The following OR52E5 variants were observed in gnomAD, a reference collection of about 807,000 sequenced individuals.
The protein encoded by OR52E5 is olfactory receptor family 52 subfamily E member 5, also known as olfactory receptor 52E5.
intron 1 of OR52E5, among the ~76,000 whole-genome samples, chr11:5,895,181 CAA>C (rs1158085714): frequency 6.6e-6 from 1 of 152,110 alleles, no homozygotes; most frequent in African/African-American, 2.4e-5. Flanking sequence ...TCAGGAAATT[CAA>C]AGTCCTACAC....
In OR52E5 at chr11:5,901,495, G is replaced by A. The variant is rs1188007600; in HGVS notation, c.719G>A (p.Cys240Tyr). 5.0e-6 allele frequency: 2 copies of A among 401,788 alleles called. No homozygotes were observed. The highest frequency in any genetic ancestry group is 7.1e-5 in the East Asian group (2 of 28,060). The allele number at this position is 401,788 out of a possible 1,614,324, so 24.9% of individuals were successfully genotyped here. A position where few individuals can be genotyped will look rare whatever the true frequency, so the allele number is the denominator to read the frequency against. ...GCCCGGCCTAAGGCACTCAGCACAT[G>A]TGGCTCTCACGTCTGTGTTATGTTG... ...WDARPKALST[C>Y]GSHVCVMLAF... The change falls in exon 3 of 3, where the codon TGT becomes TAT. Residue 240 changes from cysteine to tyrosine, a missense_variant. Physicochemically the swap from Cys to Tyr is radical, Grantham distance 194. Transcript: ENST00000610445.
intron 2 of OR52E5, among the ~76,000 whole-genome samples, chr11:5,897,751 T>TC (rs1847195145): frequency 6.6e-6 from 1 of 152,210 alleles, no homozygotes; most frequent in Non-Finnish European, 1.5e-5. Flanking sequence ...GTGTAAGTGT[T>TC]CCTTTTTCTC....
chr11:5,894,301 T>A (rs1054313268), intron 1 of OR52E5, among the ~76,000 whole-genome samples: 1 of 152,148 alleles, frequency 6.6e-6, no homozygotes, highest in Admixed American at 6.6e-5. Flanking sequence ...ATTAAGGTGG[T>A]CTTAGTTAGT....
chr11:5,899,535 A>G (rs1192772677), intron 2 of OR52E5, among the ~76,000 whole-genome samples: 1 of 152,202 alleles, frequency 6.6e-6, no homozygotes, highest in Non-Finnish European at 1.5e-5. Context: ...CTTTAGGATT[A>G]GTAGCACCAT....
chr11:5,895,488 A>C (rs1450509316), intron 1 of OR52E5, 144 bp from the exon 2 acceptor site: 1 of 152,196 alleles, frequency 6.6e-6, no homozygotes, highest in East Asian at 1.9e-4. Flanking sequence ...TCTGTACTTT[A>C]ATTTTTCTGC....
At chr11:5,894,769 T>C (rs1847150945) in intron 1 of OR52E5, among the ~76,000 whole-genome samples, 1 of 152,174 alleles carries the variant, frequency 6.6e-6, no homozygotes, top group South Asian at 2.1e-4. Flanking sequence ...CGGTGCCCTT[T>C]TTCTATAAAG....
rs139871993 is a variant in OR52E5 at position 5,901,169 on chromosome 11, C to T, written c.393C>T (p.Pro131=). ...ATCGCTATATTGCCATCTGCAACCC[C>T]CTGAGATATAGCATGATCCTTACCA... ...GIDRYIAICN[P]LRYSMILTNK... is the part of the protein sequence containing the mutation. The change falls in exon 3 of 3, where the codon CCC becomes CCT. Residue 131 remains proline, a synonymous_variant. Coordinates refer to ENST00000610445, the MANE Select transcript of OR52E5 (RefSeq NM_001005166.5). 1,535 of 401,510 alleles carry T rather than the reference C, an allele frequency of 3.8e-3. 7 individuals are homozygous for T. The highest frequency in any genetic ancestry group is 0.014 in the South Asian group (109 of 7,952). 24.9% of individuals were successfully genotyped at this position (401,510 alleles called of 1,614,324 possible).
At chr11:5,894,922 CA>C (rs1847153447) in intron 1 of OR52E5, among the ~76,000 whole-genome samples, 1 of 152,052 alleles carries the variant, frequency 6.6e-6, no homozygotes, top group African/African-American at 2.4e-5. Context: ...ATTTAATTTA[CA>C]AAAACAAATG....
intron 2 of OR52E5, among the ~76,000 whole-genome samples, chr11:5,900,129 A>G (rs1466586123): frequency 1.3e-5 from 2 of 152,192 alleles, no homozygotes; most frequent in African/African-American, 4.8e-5. Context: ...AGAAAACATA[A>G]TATAGTGAAG....
chr11:5,896,624 A>C (rs775380896), intron 2 of OR52E5, among the ~76,000 whole-genome samples: 15 of 152,164 alleles, frequency 9.9e-5, no homozygotes, highest in Non-Finnish European at 2.2e-4. Context: ...TCCCTATTGA[A>C]AGTAATAATC....
At chr11:5,896,062 A>G (rs1386123006) in intron 2 of OR52E5, among the ~76,000 whole-genome samples, 1 of 151,864 alleles carries the variant, frequency 6.6e-6, no homozygotes, top group Non-Finnish European at 1.5e-5. Flanking sequence ...AAGAAGAAAG[A>G]AAAAGAAAGA....
chr11:5,901,614 G>T lies in OR52E5; in HGVS notation c.838G>T (p.Val280Leu), dbSNP rs1459608380. 5.0e-6 allele frequency: 2 copies of T among 401,342 alleles called. No individual in the cohort carries two copies. The highest frequency in any genetic ancestry group is 8.8e-6 in the Non-Finnish European group (2 of 226,292). 24.9% of individuals were successfully genotyped at this position (401,342 alleles called of 1,614,324 possible). The change falls in exon 3 of 3, where the codon GTG (valine) becomes TTG (leucine). Residue 280 changes from valine to leucine, a missense_variant. Transcript: ENST00000610445. Reference protein sequence around the residue: ...YIHILLANLYVVFPPALNSVI... With the variant: ...YIHILLANLYLVFPPALNSVI... ...CCACATTCTTCTGGCCAATCTGTATGTGGTTTTTCCCCCTGCTCTTAACTC... is the reference window on the plus strand; with the variant it reads ...CCACATTCTTCTGGCCAATCTGTATTTGGTTTTTCCCCCTGCTCTTAACTC...
rs373387524 is a variant in OR52E5, at chr11:5,898,682, T to G, written c.-145-1950T>G. On this transcript the variant is annotated intron_variant, in intron 2 of 2. Transcript: ENST00000610445. The stretch of plus-strand genomic sequence containing the variant: ...ATGGCTAGACAATTTCCCTAGCACA[T>G]TTACTGAATAAGATATCCTTACCCA... 2.0e-4 allele frequency among the ~76,000 whole-genome samples: 30 copies of G among 152,318 alleles called. No homozygotes were observed. The East Asian group carries it at 2.7e-3, about 14-fold the overall frequency.
chr11:5,894,198 G>A (rs1003321240), intron 1 of OR52E5, among the ~76,000 whole-genome samples: 2 of 152,160 alleles, frequency 1.3e-5, no homozygotes, highest in African/African-American at 4.8e-5. Context: ...CCTAGTGGTA[G>A]ATATTCGCCA....
Position 5,901,573 on chromosome 11 carries a change from A to T in OR52E5, c.797A>T (p.Asn266Ile), listed in dbSNP as rs756739601. 1.3e-4 allele frequency: 54 copies of T among 401,824 alleles called. No individual in the cohort carries two copies. Among genetic ancestry groups the T allele is most frequent in the Admixed American group, 3.1e-4 (7 of 22,726 alleles). The allele number at this position is 401,824 out of a possible 1,614,324, so 24.9% of individuals were successfully genotyped here. The change falls in exon 3 of 3, where the codon AAC becomes ATC. Residue 266 changes from asparagine (N) to isoleucine (I), a missense_variant. Transcript: ENST00000610445. The part of the protein sequence containing the change: ...FSFMTHRFGH[N>I]IPHYIHILLA... ...TTCATGACACACCGCTTTGGCCACA[A>T]CATCCCTCATTACATCCACATTCTT...
rs1847251087 is a variant in OR52E5 at position 5,901,387 on chromosome 11, C to T, written c.611C>T (p.Ser204Leu). The T allele has an allele frequency of 5.0e-6, 2 of 401,416 alleles. No individual in the cohort carries two copies. The highest frequency in any genetic ancestry group is 4.1e-5 in the African/African-American group (2 of 48,680). The allele number at this position is 401,416 out of a possible 1,614,324, so 24.9% of individuals were successfully genotyped here. A position where few individuals can be genotyped will look rare whatever the true frequency, so the allele number is the denominator to read the frequency against. ...INVIYGLIAF[S>L]VGYIDISVIG... ...GTTATATATGGATTGATTGCCTTCT[C>T]AGTGGGATACATTGACATTTCTGTG... The change falls in exon 3 of 3, where the codon TCA becomes TTA. Residue 204 changes from serine to leucine, a missense_variant. Physicochemically the swap from Ser to Leu is moderately radical, Grantham distance 145. Transcript: ENST00000610445.
rs1030728719 is a variant in OR52E5 at position 5,901,616 on chromosome 11, G to C, written c.840G>C (p.Val280=). Residue 280 remains valine (V), a synonymous_variant, in exon 3 of 3, where the codon GTG becomes GTC. Transcript: ENST00000610445. ...ACATTCTTCTGGCCAATCTGTATGT[G>C]GTTTTTCCCCCTGCTCTTAACTCTG... The part of the protein sequence containing the change: ...YIHILLANLY[V]VFPPALNSVI... 7.5e-6 allele frequency: 3 copies of C among 401,266 alleles called. No individual in the cohort carries two copies. Among genetic ancestry groups the C allele is most frequent in the Non-Finnish European group, 1.3e-5 (3 of 226,290 alleles). 24.9% of individuals were successfully genotyped at this position (401,266 alleles called of 1,614,324 possible).
chr11:5,902,522 G>A lies in OR52E5; in HGVS notation c.*762G>A, dbSNP rs993143943. The A allele has an allele frequency of 2.0e-5, 3 of 152,104 alleles. No individual in the cohort carries two copies. Among genetic ancestry groups the A allele is most frequent in the African/African-American group, 7.2e-5 (3 of 41,428 alleles). The allele number at this position is 152,104 out of a possible 1,614,324, so 9.4% of individuals were successfully genotyped here. ...TCTCAGCTCTTACCTTCGTGAAAGAGACTTTCAGTCAGGAGACTATAAAGC... is the reference window on the plus strand; with the variant it reads ...TCTCAGCTCTTACCTTCGTGAAAGAAACTTTCAGTCAGGAGACTATAAAGC... On this transcript the variant is annotated 3_prime_UTR_variant, in exon 3 of 3. Coordinates refer to ENST00000610445, the MANE Select transcript of OR52E5 (RefSeq NM_001005166.5).
intron 2 of OR52E5, among the ~76,000 whole-genome samples, chr11:5,896,270 A>AAAAAAAAAAAAG: frequency 6.8e-6 from 1 of 146,894 alleles, no homozygotes; most frequent in African/African-American, 2.5e-5. Flanking sequence ...AAAAAAAAAA[A>AAAAAAAAAAAAG]ATTAGCCGGG....
Sources: gnomAD v4.1 joint callset for allele counts (sites outside exome capture counted in the v4.1 genomes callset) on GRCh38, gnomAD v4.1.1 for gene constraint, MANE v1.5 for transcripts, NCBI Gene and HGNC (gene_info 2026-07-23, HGNC 2026-07-21) for gene names.